The following ATG16L1 variants were observed in gnomAD, a reference collection of about 807,000 sequenced individuals.
ATG16L1 encodes the protein autophagy-related protein 16-1.
ATG16L1 carries 37 observed loss-of-function variants against 88.5 expected under a neutral mutation model. The ratio of observed to expected loss-of-function variants is 0.42; its 90% CI spans 0.32 to 0.55. The LOEUF is 0.55. ATG16L1 is among the 20% of genes least tolerant of loss of function. The pLI is 0.13. For synonymous variants in ATG16L1, 301 were observed against 281.0 expected (o/e 1.07, Z -0.71); for missense variants, 554 against 752.8 (o/e 0.74, Z 3.09).
rs1381550866 is a variant in ATG16L1 at position 233,265,147 on chromosome 2, G to A, written c.641+4G>A. On this transcript the variant is annotated splice_donor_region_variant and intron_variant, in intron 5 of 17. Coordinates refer to ENST00000392017, the MANE Select transcript of ATG16L1 (RefSeq NM_030803.7). ...CAGAGAATGAAAAAGACTCCAGGTGGGCTATCAATCCACAGTTAGTGGTTT... is the reference window on the plus strand; with the variant it reads ...CAGAGAATGAAAAAGACTCCAGGTGAGCTATCAATCCACAGTTAGTGGTTT... 12 of 1,613,518 alleles carry A rather than the reference G, an allele frequency of 7.4e-6. No homozygotes were observed. The highest frequency in any genetic ancestry group is 1.0e-5 in the Non-Finnish European group (12 of 1,179,944).
intron 10 of ATG16L1, 146 bp downstream of exon 10, chr2:233,277,819 A>G: frequency 1.5e-6 from 1 of 679,794 alleles, no homozygotes; most frequent in South Asian, 1.8e-5. Context: ...CATTTTATGT[A>G]AGGGATCGTT....
chr2:233,264,036 G>A lies in ATG16L1; in HGVS notation c.360G>A (p.Lys120=). 1 of 1,614,108 alleles carries A rather than the reference G, an allele frequency of 6.2e-7. No individual in the cohort carries two copies. The change falls in exon 4 of 18, where the codon AAG becomes AAA. Residue 120 remains lysine, a synonymous_variant. Coordinates refer to ENST00000392017, the MANE Select transcript of ATG16L1 (RefSeq NM_030803.7). Reference sequence around the variant, plus strand: ...ACCTGAATAACCAAATGCAGCGGAAGGACAGGGAGATGCAGATGAATGAAG... The same window carrying A: ...ACCTGAATAACCAAATGCAGCGGAAAGACAGGGAGATGCAGATGAATGAAG... ...VIDLNNQMQR[K]DREMQMNEAK...
intron 12 of ATG16L1, among the ~76,000 whole-genome samples, chr2:233,284,026 T>C (rs1418226211): frequency 6.6e-6 from 1 of 150,708 alleles, no homozygotes. Flanking sequence ...TGTATTTTTT[T>C]TTAGTAGAGA....
At chr2:233,263,519 C>T (rs1028073866) in intron 3 of ATG16L1, among the ~76,000 whole-genome samples, 2 of 152,140 alleles carry the variant, frequency 1.3e-5, no homozygotes, top group African/African-American at 4.8e-5. Flanking sequence ...ACAAAAAAGC[C>T]TGCTACCTGG....
chr2:233,292,410 C>G lies in ATG16L1; in HGVS notation c.1604C>G (p.Ser535Cys). ...TFSAPGFKCG[S>C]DWTRVVFSPD... ...AGTGCACCTGGGTTCAAGTGCGGCT[C>G]TGACTGGACCAGAGTTGTCTTCAGG... The change falls in exon 16 of 18, where the codon TCT becomes TGT. Residue 535 changes from serine (S) to cysteine (C), a missense_variant. Ser to Cys is a moderately radical substitution (Grantham distance 112). Transcript: ENST00000392017. 1 of 1,613,118 alleles carries G rather than the reference C, an allele frequency of 6.2e-7. No individual in the cohort carries two copies. Among genetic ancestry groups the G allele is most frequent in the South Asian group, 1.1e-5 (1 of 91,018 alleles).
chr2:233,293,486 T>C, intron 17 of ATG16L1, 129 bp downstream of exon 17: 2 of 813,020 alleles, frequency 2.5e-6, no homozygotes, highest in Non-Finnish European at 4.1e-6. Context: ...CTCGGCTGGC[T>C]GAGCTAGGTC....
intron 5 of ATG16L1, among the ~76,000 whole-genome samples, chr2:233,267,102 A>G (rs1313995948): frequency 6.6e-6 from 1 of 152,210 alleles, no homozygotes; most frequent in Non-Finnish European, 1.5e-5. Flanking sequence ...TAATCCTAGC[A>G]CTTTGGGAGG....
chr2:233,267,704 G>A (rs1254543980), intron 5 of ATG16L1, among the ~76,000 whole-genome samples: 1 of 152,238 alleles, frequency 6.6e-6, no homozygotes, highest in Non-Finnish European at 1.5e-5. Context: ...GGCCCCAGGT[G>A]AGCTGGATGC....
chr2:233,256,402 G>A (rs1696777231), intron 2 of ATG16L1, among the ~76,000 whole-genome samples: 1 of 152,186 alleles, frequency 6.6e-6, no homozygotes, highest in Non-Finnish European at 1.5e-5. Context: ...TATCAGTACA[G>A]TGCTCTGAGC....
intron 1 of ATG16L1, among the ~76,000 whole-genome samples, chr2:233,255,086 G>T (rs1696682755): frequency 6.6e-6 from 1 of 152,120 alleles, no homozygotes; most frequent in Non-Finnish European, 1.5e-5. Context: ...CGATTCTTGT[G>T]CCTCAGTCTC....
At position 233,273,018 on chromosome 2, in the gene ATG16L1, A is replaced by T. The variant is rs375717026; in HGVS notation, c.760A>T (p.Thr254Ser). Residue 254 changes from threonine (T) to serine (S), a missense_variant, in exon 7 of 18, where the codon ACC becomes TCC. By Grantham distance (58) the Thr-to-Ser change is moderately conservative (BLOSUM62 1). Around this residue, in one of 5 missense-constraint regions of ATG16L1, gnomAD observed 370 missense variants for 509.7 expected, o/e 0.73. Transcript: ENST00000392017. The stretch of plus-strand genomic sequence containing the variant: ...TGAAACTTCTGATCACACAGAAGAG[A>T]CCTCTCCTGTGCGAGCCATCAGCAG... Reference protein sequence around the residue: ...VDETSDHTEETSPVRAISRAA... With the variant: ...VDETSDHTEESSPVRAISRAA... The T allele has an allele frequency of 1.9e-5, 31 of 1,613,832 alleles. No homozygotes were observed. In the African/African-American group the frequency reaches 3.7e-4, roughly 19 times the overall value.
intron 11 of ATG16L1, among the ~76,000 whole-genome samples, chr2:233,281,723 G>A (rs892106727): frequency 5.9e-5 from 9 of 152,296 alleles, no homozygotes; most frequent in South Asian, 2.1e-4. Flanking sequence ...TGGGCTGGGC[G>A]AGTGCAGGAG....
intron 9 of ATG16L1, 131 bp from the exon 10 acceptor site, chr2:233,277,437 T>C: frequency 1.4e-6 from 1 of 730,548 alleles, no homozygotes; most frequent in East Asian, 2.8e-5. Context: ...GAGTCCAGTT[T>C]AGTTTATGAT....
chr2:233,280,693 A>G (rs1387528850), intron 10 of ATG16L1, among the ~76,000 whole-genome samples: 3 of 152,240 alleles, frequency 2.0e-5, no homozygotes, highest in African/African-American at 7.2e-5. Flanking sequence ...GTGGTAGTTA[A>G]GTTGGCACAA....
At chr2:233,273,249 G>T in intron 7 of ATG16L1, 197 bp downstream of exon 7, 1 of 568,758 alleles carries the variant, frequency 1.8e-6, no homozygotes, top group Admixed American at 3.2e-5. Context: ...AGCAGAACAC[G>T]GGTGGCTTCA....
intron 5 of ATG16L1, among the ~76,000 whole-genome samples, chr2:233,269,177 T>C (rs757072438): frequency 1.4e-4 from 21 of 152,260 alleles, no homozygotes; most frequent in Non-Finnish European, 2.6e-4. Context: ...TTACTAATGT[T>C]ATGTAAACTT....
At position 233,294,951 on chromosome 2, in the gene ATG16L1, T is replaced by C. The variant is rs1045100; in HGVS notation, c.*601T>C. ...TCTCTTTCCCCCACAAAATTCGACA[T>C]ATTTAAAAATCTCCGTGTGGCTTTA... On this transcript the variant is annotated 3_prime_UTR_variant, in exon 18 of 18. Transcript: ENST00000392017. 61,101 of 152,240 alleles carry C rather than the reference T, an allele frequency of 0.4. 13,157 individuals are homozygous for C. Among genetic ancestry groups the C allele is most frequent in the South Asian group, 0.51 (2,436 of 4,814 alleles). 9.4% of individuals were successfully genotyped at this position (152,240 alleles called of 1,614,324 possible). A position where few individuals can be genotyped will look rare whatever the true frequency, so the allele number is the denominator to read the frequency against.
chr2:233,290,030 G>C, intron 13 of ATG16L1, 56 bp downstream of exon 13: 1 of 1,600,146 alleles, frequency 6.2e-7, no homozygotes, highest in South Asian at 1.1e-5. Flanking sequence ...GCGTGGAGGT[G>C]TGTGTTTGCA....
At chr2:233,292,796 A>G (rs958010434) in intron 16 of ATG16L1, among the ~76,000 whole-genome samples, 1 of 152,214 alleles carries the variant, frequency 6.6e-6, no homozygotes, top group Non-Finnish European at 1.5e-5. Context: ...TTTTTGGAGA[A>G]GGGTGTGCAG....
Sources: gnomAD v4.1 joint callset for allele counts (sites outside exome capture counted in the v4.1 genomes callset) on GRCh38, gnomAD v4.1.1 for gene constraint, gnomAD v4.1.1 regional missense constraint, MANE v1.5 for transcripts, NCBI Gene and HGNC (gene_info 2026-07-23, HGNC 2026-07-21) for gene names.